Variants in ADGRL3 observed in about 807,000 individuals in gnomAD.
The protein encoded by ADGRL3 is adhesion G protein-coupled receptor L3.
In ADGRL3, 62 loss-of-function variants were observed where a neutral mutation model predicts 153.5. The observed-to-expected ratio is 0.40, with a 90% confidence interval of 0.33 to 0.50. ADGRL3 has a LOEUF of 0.50. ADGRL3 is among the 20% of genes least tolerant of loss of function. ADGRL3 has a pLI of 0.47. For synonymous variants in ADGRL3, 710 were observed against 672.5 expected (o/e 1.06, Z -0.86); for missense variants, 1,641 against 1,859.4 (o/e 0.88, Z 2.16).
chr4:61,214,131 C>T (rs1741503912), intron 1 of ADGRL3, among the ~76,000 whole-genome samples: 1 of 152,142 alleles, frequency 6.6e-6, no homozygotes, highest in Non-Finnish European at 1.5e-5. Flanking sequence ...TACTAATGCT[C>T]AGCTGCACAT....
intron 21 of ADGRL3, 47 bp downstream of exon 21, chr4:61,998,312 A>C: frequency 1.1e-6 from 1 of 936,788 alleles, no homozygotes; most frequent in Non-Finnish European, 1.6e-6. Flanking sequence ...TTACATTTAT[A>C]CTCCAAACTA....
At chr4:61,673,750 T>A (rs1033136301) in intron 5 of ADGRL3, among the ~76,000 whole-genome samples, 3 of 151,280 alleles carry the variant, frequency 2.0e-5, no homozygotes, top group African/African-American at 7.2e-5. Context: ...AAAAATAGTA[T>A]TCCAGAGATT....
At chr4:61,581,772 C>G (rs1294812765) in intron 4 of ADGRL3, among the ~76,000 whole-genome samples, 1 of 152,062 alleles carries the variant, frequency 6.6e-6, no homozygotes, top group Non-Finnish European at 1.5e-5. Flanking sequence ...GCTTATATGT[C>G]AGAAACGTGG....
At chr4:61,732,397 A>AAAG (rs2096457787) in intron 7 of ADGRL3, among the ~76,000 whole-genome samples, 1 of 152,194 alleles carries the variant, frequency 6.6e-6, no homozygotes, top group Non-Finnish European at 1.5e-5. Flanking sequence ...TGAACTATTA[A>AAAG]AAGTATTGTG....
intron 1 of ADGRL3, among the ~76,000 whole-genome samples, chr4:61,257,200 A>G (rs1396523305): frequency 6.6e-6 from 1 of 152,172 alleles, no homozygotes; most frequent in East Asian, 1.9e-4. Flanking sequence ...TATTAAATCC[A>G]TATTCCCAAG....
chr4:61,287,895 A>G (rs576936169), intron 1 of ADGRL3, among the ~76,000 whole-genome samples: 23 of 151,992 alleles, frequency 1.5e-4, no homozygotes, highest in Non-Finnish European at 2.9e-4. Context: ...ATATTCATGG[A>G]ACTCATGGTC....
At position 61,204,208 on chromosome 4, in the gene ADGRL3, G is replaced by A. The variant is rs527362399; in HGVS notation, c.-240+2443G>A. ...GACCTTGACCTCTTGAAAAAGCATA[G>A]ATTGCAAAAGACACTGAATCACTGA... On this transcript the variant is annotated intron_variant, in intron 1 of 26. Coordinates refer to ENST00000683033, the MANE Select transcript of ADGRL3 (RefSeq NM_001387552.1). 3.9e-5 allele frequency among the ~76,000 whole-genome samples: 6 copies of A among 152,182 alleles called. No individual in the cohort carries two copies. In the East Asian group the frequency reaches 1.2e-3, roughly 29 times the overall value.
intron 6 of ADGRL3, among the ~76,000 whole-genome samples, chr4:61,713,532 C>T (rs1219502200): frequency 6.6e-6 from 1 of 151,596 alleles, no homozygotes; most frequent in Non-Finnish European, 1.5e-5. Context: ...TGTGAGGGCT[C>T]ACTTTTGTAT....
In ADGRL3 at chr4:62,036,254, G is replaced by A. The variant is rs148737420; in HGVS notation, c.3592-1477G>A. Among the ~76,000 whole-genome samples the A allele has an allele frequency of 8.3e-4, 127 of 152,118 alleles. 1 individual carries two copies. The highest frequency in any genetic ancestry group is 2.8e-3 in the African/African-American group (118 of 41,536). ...GTTTTTTCATTCTATTCTTTATGGT[G>A]AGAATGCCTTTTTCTCCTCTTTTCC... On this transcript the variant is annotated intron_variant, in intron 23 of 26. Coordinates refer to ENST00000683033, the MANE Select transcript of ADGRL3 (RefSeq NM_001387552.1).
At chr4:61,582,759 G>A (rs1390728569) in intron 4 of ADGRL3, among the ~76,000 whole-genome samples, 2 of 151,948 alleles carry the variant, frequency 1.3e-5, no homozygotes, top group Admixed American at 6.6e-5. Flanking sequence ...TGCAATGGCA[G>A]GTGATTTAGT....
At chr4:61,603,266 C>T (rs2099019047) in intron 5 of ADGRL3, among the ~76,000 whole-genome samples, 1 of 152,108 alleles carries the variant, frequency 6.6e-6, no homozygotes, top group South Asian at 2.1e-4. Context: ...ATGAAATAAC[C>T]AGCACAGTGG....
intron 8 of ADGRL3, among the ~76,000 whole-genome samples, chr4:61,778,425 T>A (rs2097177444): frequency 6.6e-6 from 1 of 152,132 alleles, no homozygotes; most frequent in Non-Finnish European, 1.5e-5. Flanking sequence ...TGGAAAAACA[T>A]TAAAAGAAAA....
At chr4:61,919,383 A>T (rs957912021) in intron 13 of ADGRL3, among the ~76,000 whole-genome samples, 3 of 152,212 alleles carry the variant, frequency 2.0e-5, no homozygotes, top group Non-Finnish European at 4.4e-5. Flanking sequence ...TCACAGCTTG[A>T]TAAATCTGCA....
chr4:61,531,981 A>C (rs973734387), intron 4 of ADGRL3, among the ~76,000 whole-genome samples: 9 of 152,226 alleles, frequency 5.9e-5, no homozygotes. Flanking sequence ...TAAAATAAGG[A>C]AAGGATCATT....
At chr4:61,663,459 C>A (rs1051382566) in intron 5 of ADGRL3, among the ~76,000 whole-genome samples, 1 of 152,226 alleles carries the variant, frequency 6.6e-6, no homozygotes, top group Non-Finnish European at 1.5e-5. Context: ...CCTACCCCAC[C>A]GCAGCCGGTG....
At chr4:61,553,246 G>A (rs1181180467) in intron 4 of ADGRL3, among the ~76,000 whole-genome samples, 1 of 152,070 alleles carries the variant, frequency 6.6e-6, no homozygotes, top group Non-Finnish European at 1.5e-5. Flanking sequence ...CTCTCCTTTG[G>A]TTTGAAATTC....
chr4:61,850,926 C>T (rs1208196948), intron 9 of ADGRL3, among the ~76,000 whole-genome samples: 3 of 151,976 alleles, frequency 2.0e-5, no homozygotes, highest in Non-Finnish European at 4.4e-5. Flanking sequence ...AAATTCAGTT[C>T]CCAAATGCAA....
intron 24 of ADGRL3, 135 bp from the exon 25 acceptor site, chr4:62,044,318 A>C: frequency 1.6e-6 from 1 of 644,304 alleles, no homozygotes; most frequent in Non-Finnish European, 2.8e-6. Context: ...ACTGTACTGC[A>C]AACATGTAGT....
chr4:61,991,266 T>G (rs1177069115), intron 19 of ADGRL3, among the ~76,000 whole-genome samples: 1 of 151,966 alleles, frequency 6.6e-6, no homozygotes, highest in African/African-American at 2.4e-5. Flanking sequence ...TATTTTTACT[T>G]TCAGGTTCAG....
Sources: gnomAD v4.1 joint callset for allele counts (sites outside exome capture counted in the v4.1 genomes callset) on GRCh38, gnomAD v4.1.1 for gene constraint, MANE v1.5 for transcripts, NCBI Gene and HGNC (gene_info 2026-07-23, HGNC 2026-07-21) for gene names.